Variants in GRIK3 observed in about 807,000 individuals in gnomAD.
GRIK3 encodes glutamate ionotropic receptor kainate type subunit 3, also known as glutamate receptor ionotropic, kainate 3.
In GRIK3, 29 loss-of-function variants were observed where a neutral mutation model predicts 102.5. The ratio of observed to expected loss-of-function variants is 0.28; its 90% CI spans 0.21 to 0.39. GRIK3 has a LOEUF of 0.39. GRIK3 is among the 10% of genes least tolerant of loss of function. The probability of loss-of-function intolerance (pLI) is 1.00; values close to 1 mark genes in which losing one functional copy is unlikely to be tolerated. For synonymous variants in GRIK3, 511 were observed against 504.9 expected, an observed-to-expected ratio of 1.01 and a Z score of -0.16; for missense variants, 908 against 1,252.4, an observed-to-expected ratio of 0.73 and a Z score of 4.15.
intron 1 of GRIK3, among the ~76,000 whole-genome samples, chr1:36,994,716 C>T (rs79382099): frequency 0.11 from 16,614 of 152,248 alleles, 1,089 homozygotes; most frequent in South Asian, 0.22. Flanking sequence ...TTTAATAATG[C>T]CATCCAGAAT....
At chr1:36,873,532 C>T (rs544566771) in intron 3 of GRIK3, among the ~76,000 whole-genome samples, 14 of 152,250 alleles carry the variant, frequency 9.2e-5, no homozygotes, top group South Asian at 2.1e-4. Flanking sequence ...AGCCAGCACA[C>T]GGCCAGGTCC....
chr1:36,852,406 AG>A (rs1173894870), intron 8 of GRIK3, among the ~76,000 whole-genome samples: 3 of 152,194 alleles, frequency 2.0e-5, no homozygotes, highest in Non-Finnish European at 4.4e-5. Flanking sequence ...CTGGAGGTCC[AG>A]GAGGGAGGGA....
chr1:37,008,904 A>T (rs538599581), intron 1 of GRIK3, among the ~76,000 whole-genome samples: 107 of 152,294 alleles, frequency 7.0e-4, no homozygotes, highest in African/African-American at 2.6e-3. Context: ...CATCTCCCTG[A>T]TTCTTTTCTT....
chr1:36,955,385 C>T (rs1443062845), intron 1 of GRIK3, among the ~76,000 whole-genome samples: 1 of 152,218 alleles, frequency 6.6e-6, no homozygotes, highest in African/African-American at 2.4e-5. Context: ...CACACAAACA[C>T]GTGGATGGAT....
chr1:37,031,100 C>T (rs1163937643), intron 1 of GRIK3, among the ~76,000 whole-genome samples: 1 of 152,170 alleles, frequency 6.6e-6, no homozygotes, highest in Non-Finnish European at 1.5e-5. Flanking sequence ...TAAGTTAAGA[C>T]TGGGATTCAC....
chr1:36,838,210 G>A lies in GRIK3; in HGVS notation c.1530+3526C>T, dbSNP rs1352437618. On this transcript the variant is annotated intron_variant, in intron 10 of 15. Transcript: ENST00000373091. ...CCAATGCCAGGCAGGAGGCTCTTTT[G>A]TTATCCCCATTTTGTAGACATGGAA... Among the ~76,000 whole-genome samples the A allele has an allele frequency of 2.6e-5, 4 of 152,142 alleles. No individual in the cohort carries two copies. In the East Asian group the frequency reaches 7.7e-4, roughly 29 times the overall value.
At chr1:36,833,858 G>C (rs1283304657) in intron 10 of GRIK3, among the ~76,000 whole-genome samples, 1 of 152,154 alleles carries the variant, frequency 6.6e-6, no homozygotes, top group East Asian at 1.9e-4. Flanking sequence ...TGCATAACCA[G>C]TTGCCCTTCC....
chr1:37,006,922 C>A (rs1031410777), intron 1 of GRIK3, among the ~76,000 whole-genome samples: 1 of 152,196 alleles, frequency 6.6e-6, no homozygotes, highest in Non-Finnish European at 1.5e-5. Context: ...AGTGGTGCAA[C>A]CAGGACTGGA....
At position 36,985,916 on chromosome 1, in the gene GRIK3, C is replaced by T. The variant is rs11805125; in HGVS notation, c.115+48078G>A. Among the ~76,000 whole-genome samples, 1,280 of 152,204 alleles carry T rather than the reference C, an allele frequency of 8.4e-3. 20 individuals are homozygous for T. The highest frequency in any genetic ancestry group is 0.037 in the Admixed American group (558 of 15,276). On this transcript the variant is annotated intron_variant, in intron 1 of 15. Coordinates refer to ENST00000373091, the MANE Select transcript of GRIK3 (RefSeq NM_000831.4). ...AATGAAGGGTGAGTGTGGCCCCTTC[C>T]GGCTGAGTTCCCTCCCCCTCCTCCT...
intron 1 of GRIK3, among the ~76,000 whole-genome samples, chr1:36,931,271 C>T (rs995437483): frequency 6.6e-6 from 1 of 152,112 alleles, no homozygotes; most frequent in African/African-American, 2.4e-5. Flanking sequence ...GAAACATCTG[C>T]CTGCCCTTCC....
chr1:36,900,933 A>G (rs899651521), intron 1 of GRIK3, among the ~76,000 whole-genome samples: 5 of 152,202 alleles, frequency 3.3e-5, no homozygotes, highest in Non-Finnish European at 7.4e-5. Flanking sequence ...CTCTATGTCC[A>G]CTAATTTGCT....
intron 1 of GRIK3, among the ~76,000 whole-genome samples, chr1:37,022,012 C>T (rs1208601224): frequency 6.6e-6 from 1 of 152,210 alleles, no homozygotes; most frequent in African/African-American, 2.4e-5. Context: ...TGCAAGGACA[C>T]AAAAACATGT....
intron 13 of GRIK3, among the ~76,000 whole-genome samples, chr1:36,816,554 G>A (rs965754998): frequency 1.3e-5 from 2 of 152,232 alleles, no homozygotes; most frequent in African/African-American, 4.8e-5. Context: ...GCTGACACCA[G>A]CATTCCTAGA....
At chr1:36,926,887 G>A (rs1430769393) in intron 1 of GRIK3, among the ~76,000 whole-genome samples, 3 of 152,112 alleles carry the variant, frequency 2.0e-5, no homozygotes, top group African/African-American at 7.2e-5. Context: ...GAGTTCTCCT[G>A]GGGAATTTGC....
chr1:36,825,929 T>A lies in GRIK3; in HGVS notation c.1531-103A>T, dbSNP rs569913767. ...GGAGAGATGAGGGTGAAGTCAGTTG[T>A]CCCAGCCCCAGGTCACTAACCGCTC... is the stretch of plus-strand genomic sequence containing the variant. On this transcript the variant is annotated intron_variant, in intron 10 of 15. Transcript: ENST00000373091. 1.6e-5 allele frequency: 13 copies of A among 813,452 alleles called. No homozygotes were observed. The South Asian group carries it at 2.0e-4, about 12-fold the overall frequency. 50.4% of individuals were successfully genotyped at this position (813,452 alleles called of 1,614,324 possible).
intron 1 of GRIK3, among the ~76,000 whole-genome samples, chr1:36,995,397 G>A (rs1047100074): frequency 3.3e-5 from 5 of 152,098 alleles, no homozygotes; most frequent in South Asian, 2.1e-4. Flanking sequence ...GCTCATCCAC[G>A]GGATGGCCAG....
chr1:36,894,192 C>A (rs903222710), intron 1 of GRIK3, among the ~76,000 whole-genome samples: 9 of 152,180 alleles, frequency 5.9e-5, no homozygotes, highest in African/African-American at 2.2e-4. Context: ...TTCCCACTCC[C>A]AGGCAGCCAC....
chr1:37,023,080 G>A (rs1392155850), intron 1 of GRIK3, among the ~76,000 whole-genome samples: 1 of 152,168 alleles, frequency 6.6e-6, no homozygotes, highest in East Asian at 1.9e-4. Context: ...TGTAATCTGA[G>A]CACTTTGGGA....
rs138002703 is a variant in GRIK3 at position 36,864,213 on chromosome 1, G to C, written c.787-4196C>G. ...ATCTACAGACTGGAAGTTTAGGAGA[G>C]GGTTGGTAAACTGCCTGGGGTGGAG... On this transcript the variant is annotated intron_variant, in intron 5 of 15. Coordinates refer to ENST00000373091, the MANE Select transcript of GRIK3 (RefSeq NM_000831.4). Among the ~76,000 whole-genome samples, 433 of 152,246 alleles carry C rather than the reference G, an allele frequency of 2.8e-3. 3 individuals carry two copies. Among genetic ancestry groups the C allele is most frequent in the African/African-American group, 0.01 (418 of 41,546 alleles).
Sources: gnomAD v4.1 joint callset for allele counts (sites outside exome capture counted in the v4.1 genomes callset) on GRCh38, gnomAD v4.1.1 for gene constraint, MANE v1.5 for transcripts, NCBI Gene and HGNC (gene_info 2026-07-23, HGNC 2026-07-21) for gene names.